The following TRABD2B variants were observed in gnomAD, a reference collection of about 807,000 sequenced individuals.
TRABD2B encodes TraB domain containing 2B, also known as metalloprotease TIKI2.
In TRABD2B, 14 loss-of-function variants were observed where a neutral mutation model predicts 40.1. The ratio of observed to expected loss-of-function variants is 0.35; its 90% CI spans 0.23 to 0.55. TRABD2B has a LOEUF of 0.55. TRABD2B is among the 20% of genes least tolerant of loss of function. TRABD2B has a pLI of 0.90. For synonymous variants in TRABD2B, 263 were observed against 277.0 expected (o/e 0.95, Z 0.50); for missense variants, 541 against 648.6 (o/e 0.83, Z 1.80).
chr1:47,908,812 G>C (rs1273569950), intron 2 of TRABD2B, among the ~76,000 whole-genome samples: 1 of 152,194 alleles, frequency 6.6e-6, no homozygotes, highest in Non-Finnish European at 1.5e-5. Flanking sequence ...TTGGGAGGGG[G>C]CAGTTCCAGC....
intron 4 of TRABD2B, among the ~76,000 whole-genome samples, chr1:47,791,747 T>C (rs548770919): frequency 2.0e-5 from 3 of 152,284 alleles, no homozygotes; most frequent in Admixed American, 6.5e-5. Flanking sequence ...ATCATAAGAA[T>C]GTAACGAGGC....
At chr1:47,957,753 G>A (rs1298824205) in intron 2 of TRABD2B, among the ~76,000 whole-genome samples, 17 of 152,276 alleles carry the variant, frequency 1.1e-4, no homozygotes, top group Middle Eastern at 3.4e-3. Context: ...TGAAAGTGAC[G>A]GGGAGAATGG....
chr1:47,796,342 C>T (rs1644747840), intron 3 of TRABD2B, among the ~76,000 whole-genome samples: 1 of 152,158 alleles, frequency 6.6e-6, no homozygotes, highest in Non-Finnish European at 1.5e-5. Flanking sequence ...GCCCAAAGCA[C>T]AAGACACCAG....
At chr1:47,821,830 C>G (rs1462091192) in intron 2 of TRABD2B, among the ~76,000 whole-genome samples, 1 of 152,126 alleles carries the variant, frequency 6.6e-6, no homozygotes, top group Non-Finnish European at 1.5e-5. Context: ...TTTGTACACC[C>G]TTCAGGCTGT....
At chr1:47,926,512 T>G (rs1033242698) in intron 2 of TRABD2B, among the ~76,000 whole-genome samples, 1 of 152,204 alleles carries the variant, frequency 6.6e-6, no homozygotes, top group Non-Finnish European at 1.5e-5. Context: ...TTTGCAGGAC[T>G]GTTGGTCCTG....
In TRABD2B at chr1:47,997,149, G is replaced by A. The variant is rs1046047660; in HGVS notation, c.-360C>T. On this transcript the variant is annotated 5_prime_UTR_variant, in exon 1 of 7. Coordinates refer to ENST00000606738, the MANE Select transcript of TRABD2B (RefSeq NM_001194986.2). Reference sequence around the variant, plus strand: ...TCCTGGGGCAGAACCGAGAACCCGGGGTGCGCAAGGGTCCCGGGGTTATGC... The same window carrying A: ...TCCTGGGGCAGAACCGAGAACCCGGAGTGCGCAAGGGTCCCGGGGTTATGC... The A allele has an allele frequency of 1.0e-6, 1 of 984,078 alleles. No individual in the cohort carries two copies. Among genetic ancestry groups the A allele is most frequent in the Admixed American group, 6.2e-5 (1 of 16,214 alleles). The allele number at this position is 984,078 out of a possible 1,614,324, so 61.0% of individuals were successfully genotyped here. A position where few individuals can be genotyped will look rare whatever the true frequency, so the allele number is the denominator to read the frequency against.
chr1:47,814,946 G>A (rs1014043877), intron 2 of TRABD2B, among the ~76,000 whole-genome samples: 11 of 152,350 alleles, frequency 7.2e-5, no homozygotes, highest in South Asian at 4.1e-4. Context: ...ACGGTCAGGC[G>A]AGGGAGGGTC....
At chr1:47,858,875 G>A (rs897604032) in intron 2 of TRABD2B, among the ~76,000 whole-genome samples, 2 of 152,174 alleles carry the variant, frequency 1.3e-5, no homozygotes, top group African/African-American at 4.8e-5. Flanking sequence ...TGGACTAGTG[G>A]GATAACTGGG....
At chr1:47,939,075 GGAA>G (rs1018769481) in intron 2 of TRABD2B, among the ~76,000 whole-genome samples, 6 of 152,118 alleles carry the variant, frequency 3.9e-5, no homozygotes, top group African/African-American at 1.4e-4. Context: ...ACGGTGATGA[GGAA>G]GAGAACGAGG....
At chr1:47,865,273 A>C (rs1420913489) in intron 2 of TRABD2B, among the ~76,000 whole-genome samples, 1 of 152,028 alleles carries the variant, frequency 6.6e-6, no homozygotes, top group Non-Finnish European at 1.5e-5. Flanking sequence ...GCAGGAAACA[A>C]GGCCTCGTTT....
At chr1:47,774,838 T>C (rs914675166) in intron 6 of TRABD2B, among the ~76,000 whole-genome samples, 2 of 152,198 alleles carry the variant, frequency 1.3e-5, no homozygotes, top group African/African-American at 4.8e-5. Flanking sequence ...TTTCTCCTAG[T>C]TTCACCTCCA....
At chr1:47,988,885 C>T (rs1183406099) in intron 2 of TRABD2B, among the ~76,000 whole-genome samples, 1 of 152,224 alleles carries the variant, frequency 6.6e-6, no homozygotes, top group Non-Finnish European at 1.5e-5. Flanking sequence ...TGAATACGAC[C>T]TGCCTATGCT....
chr1:47,821,234 T>C (rs969551956), intron 2 of TRABD2B, among the ~76,000 whole-genome samples: 1 of 152,230 alleles, frequency 6.6e-6, no homozygotes, highest in African/African-American at 2.4e-5. Flanking sequence ...CTGTTCTGTA[T>C]AAGGCTCTGT....
intron 2 of TRABD2B, among the ~76,000 whole-genome samples, chr1:47,928,627 T>A (rs1304515185): frequency 6.6e-6 from 1 of 152,258 alleles, no homozygotes. Flanking sequence ...AAGTCTAGAC[T>A]GACTTATCCT....
intron 2 of TRABD2B, among the ~76,000 whole-genome samples, chr1:47,962,234 G>A (rs539988648): frequency 6.6e-6 from 1 of 151,930 alleles, no homozygotes; most frequent in South Asian, 2.1e-4. Context: ...GATGGGGGAG[G>A]GATAGCATTA....
chr1:47,818,356 C>A (rs958703255), intron 2 of TRABD2B: 2 of 152,368 alleles, frequency 1.3e-5, no homozygotes, highest in African/African-American at 4.8e-5. Context: ...CTGAGTAACC[C>A]CGAGTCCTTC....
chr1:47,919,222 G>T (rs1318815343), intron 2 of TRABD2B, among the ~76,000 whole-genome samples: 1 of 152,264 alleles, frequency 6.6e-6, no homozygotes, highest in East Asian at 1.9e-4. Flanking sequence ...AATGAAAAGG[G>T]AAGTAAATAA....
intron 2 of TRABD2B, among the ~76,000 whole-genome samples, chr1:47,856,384 G>A (rs1305407116): frequency 2.0e-5 from 3 of 152,268 alleles, no homozygotes; most frequent in African/African-American, 7.2e-5. Context: ...ACGCATGAGA[G>A]TGTGAAGTGA....
chr1:47,929,174 G>A (rs1645007542), intron 2 of TRABD2B, among the ~76,000 whole-genome samples: 1 of 152,182 alleles, frequency 6.6e-6, no homozygotes, highest in Admixed American at 6.5e-5. Flanking sequence ...ACTAGGATGA[G>A]GCAAGCAAGG....
Sources: gnomAD v4.1 joint callset for allele counts (sites outside exome capture counted in the v4.1 genomes callset) on GRCh38, gnomAD v4.1.1 for gene constraint, MANE v1.5 for transcripts, NCBI Gene and HGNC (gene_info 2026-07-23, HGNC 2026-07-21) for gene names.